DENND2B: variants seen among roughly 807,000 people sequenced by gnomAD.
DENND2B encodes DENN domain containing 2B.
A neutral mutation model predicts 116.0 loss-of-function variants in DENND2B; 32 were observed. That is an observed-to-expected ratio of 0.28 (90% CI 0.21 to 0.37). DENND2B has a LOEUF of 0.37. DENND2B is among the 10% of genes least tolerant of loss of function. DENND2B has a pLI of 1.00. For synonymous variants in DENND2B, 588 were observed against 583.9 expected (o/e 1.01, Z -0.10); for missense variants, 1,276 against 1,477.7 (o/e 0.86, Z 2.24).
chr11:8,811,391 C>T, upstream of DENND2B: 1 of 398,356 alleles, frequency 2.5e-6, no homozygotes, highest in Non-Finnish European at 4.4e-6. Flanking sequence ...CTGGGCAAGT[C>T]GAGAGTCACA....
intron 1 of DENND2B, among the ~76,000 whole-genome samples, chr11:8,779,428 C>A (rs2058105156): frequency 6.6e-6 from 1 of 152,082 alleles, no homozygotes. Flanking sequence ...CTCTGGGTTA[C>A]CATGCTCTCC....
In DENND2B at chr11:8,712,580, G is replaced by A. The variant is rs1201927640; in HGVS notation, c.2143C>T (p.Leu715Phe). 8 of 1,554,930 alleles carry A rather than the reference G, an allele frequency of 5.1e-6. No individual in the cohort carries two copies. Among genetic ancestry groups the A allele is most frequent in the Middle Eastern group, 1.7e-4 (1 of 6,016 alleles). The change falls in exon 9 of 20, where the codon CTC (leucine) becomes TTC (phenylalanine). Residue 715 changes from leucine (L) to phenylalanine (F), a missense_variant. Physicochemically the swap from Leu to Phe is conservative, Grantham distance 22. This residue lies in a region of DENND2B where 420 missense variants were observed against 631.1 expected (regional missense o/e 0.67). Transcript: ENST00000313726. This position sits in a 1 kb window ranked among gnomAD's most constrained non-coding sequence, Gnocchi z 4.4. Reference sequence around the variant, plus strand: ...GGAAACTGGTAGGAGACTTCGGGGAGGTAGGTGTTTCGCGATGGCTTCTTC... The same window carrying A: ...GGAAACTGGTAGGAGACTTCGGGGAAGTAGGTGTTTCGCGATGGCTTCTTC... ...LKKKPSRNTYLPEVSYQFPKL... is the reference protein window; with the variant it reads ...LKKKPSRNTYFPEVSYQFPKL...
chr11:8,744,219 C>T (rs549982221), intron 2 of DENND2B, among the ~76,000 whole-genome samples: 12 of 151,638 alleles, frequency 7.9e-5, no homozygotes, highest in African/African-American at 1.7e-4. Flanking sequence ...CCACAACCTC[C>T]GCCTCCTGGG....
chr11:8,871,595 C>T (rs1420496275), upstream of DENND2B, among the ~76,000 whole-genome samples: 1 of 152,122 alleles, frequency 6.6e-6, no homozygotes, highest in Admixed American at 6.6e-5. Context: ...TCGGGGGAGC[C>T]CTACAAAACC....
rs200023000 is a variant in DENND2B, at chr11:8,730,355, C to G, written c.935G>C (p.Arg312Pro). The G allele has an allele frequency of 3.7e-6, 6 of 1,600,852 alleles. No individual in the cohort carries two copies. The highest frequency in any genetic ancestry group is 1.3e-5 in the African/African-American group (1 of 74,788). The change falls in exon 3 of 20, where the codon CGG (arginine) becomes CCG (proline). Residue 312 changes from arginine to proline, a missense_variant. By Grantham distance (103) the Arg-to-Pro change is moderately radical (BLOSUM62 -2). Transcript: ENST00000313726. The surrounding 1 kb of genome is among the most constrained non-coding windows in gnomAD (Gnocchi z 4.1). ...QLPSSCYSVDRGKRKTGTLGS... is the reference protein window; with the variant it reads ...QLPSSCYSVDPGKRKTGTLGS... ...CAAGGTTCCAGTCTTCCTTTTCCCC[C>G]GGTCCACGCTGTAGCAGCTGCTGGG...
intron 1 of DENND2B, among the ~76,000 whole-genome samples, chr11:8,898,646 G>C (rs2064130150): frequency 6.6e-6 from 1 of 152,102 alleles, no homozygotes; most frequent in Non-Finnish European, 1.5e-5. Context: ...TTTAAATAAA[G>C]GTTTATTGGA....
At chr11:8,842,813 G>T (rs78612906) in intron 3 of DENND2B, among the ~76,000 whole-genome samples, 2 of 152,098 alleles carry the variant, frequency 1.3e-5, no homozygotes, top group Admixed American at 1.3e-4. Context: ...AGTGTCACAC[G>T]TGCTACCTTT....
intron 4 of DENND2B, among the ~76,000 whole-genome samples, chr11:8,722,540 A>G (rs2046365967): frequency 6.6e-6 from 1 of 152,160 alleles, no homozygotes; most frequent in Admixed American, 6.5e-5. Context: ...GAGTTCAGCA[A>G]TAAGACACCC....
At chr11:8,732,793 C>T (rs906436972) in intron 2 of DENND2B, among the ~76,000 whole-genome samples, 3 of 152,256 alleles carry the variant, frequency 2.0e-5, no homozygotes, top group East Asian at 1.9e-4. Flanking sequence ...GCCAACACTG[C>T]ACAGCACAAG....
rs143895375 is a variant in DENND2B, at chr11:8,839,371, T to C, written c.-155-21A>G. On this transcript the variant is annotated intron_variant, in intron 3 of 6. Transcript: ENST00000524757. ...GAAATCTGTGAAAAGAGTGGAAAGG[T>C]TGTTACCACCAAGTAAAATTCACTT... 9 of 152,344 alleles carry C rather than the reference T, an allele frequency of 5.9e-5. No individual in the cohort carries two copies. In the East Asian group the frequency reaches 1.5e-3, roughly 26 times the overall value. 9.4% of individuals were successfully genotyped at this position (152,344 alleles called of 1,614,324 possible).
rs767105254 is a variant in DENND2B at position 8,702,554 on chromosome 11, T to C, written c.2720+18A>G. ...CCTTCCCCCCTCCCTTCTGCTTTCT[T>C]GCCCGGCTGGGCCCTACCTGAGCTT... is the stretch of plus-strand genomic sequence containing the variant. On this transcript the variant is annotated intron_variant, in intron 14 of 19. Coordinates refer to ENST00000313726, the MANE Select transcript of DENND2B (RefSeq NM_213618.2). This position sits in a 1 kb window ranked among gnomAD's most constrained non-coding sequence, Gnocchi z 4.6. The C allele has an allele frequency of 5.6e-6, 9 of 1,609,546 alleles. No homozygotes were observed. Among genetic ancestry groups the C allele is most frequent in the Non-Finnish European group, 6.8e-6 (8 of 1,179,950 alleles).
rs1248698204 is a variant in DENND2B at position 8,904,420 on chromosome 11, T to A, written c.-256+6401A>T. On this transcript the variant is annotated intron_variant, in intron 1 of 22. Transcript: ENST00000534127. ...ATTAAAAATAATTTTTAAAGATAGA[T>A]GAGAACTTCCTTAACCTAATAAAGA... Among the ~76,000 whole-genome samples the A allele has an allele frequency of 2.0e-5, 3 of 152,160 alleles. No individual in the cohort carries two copies. In the East Asian group the frequency reaches 5.8e-4, roughly 29 times the overall value.
At chr11:8,722,585 C>T (rs1248844471) in intron 4 of DENND2B, among the ~76,000 whole-genome samples, 4 of 152,198 alleles carry the variant, frequency 2.6e-5, no homozygotes, top group African/African-American at 9.7e-5. Context: ...AACTCTCGGG[C>T]CTGTCCCCAG....
At chr11:8,882,598 T>C (rs1035483601) in intron 1 of DENND2B, among the ~76,000 whole-genome samples, 1 of 152,226 alleles carries the variant, frequency 6.6e-6, no homozygotes, top group African/African-American at 2.4e-5. Flanking sequence ...TATGTAATAA[T>C]TAATTAATCA....
intron 2 of DENND2B, among the ~76,000 whole-genome samples, chr11:8,736,806 T>G (rs1276900582): frequency 1.3e-5 from 2 of 151,922 alleles, no homozygotes; most frequent in African/African-American, 4.8e-5. Flanking sequence ...AGAAGCCACA[T>G]TATGGAAGGC....
rs574503811 is a variant in DENND2B at position 8,786,871 on chromosome 11, C to A, written c.-26+23646G>T. Reference sequence around the variant, plus strand: ...AAAACAAGATTAGAACAGCTGCATGCTCTCCTTTTCTTCGGTGCTGATGTT... The same window carrying A: ...AAAACAAGATTAGAACAGCTGCATGATCTCCTTTTCTTCGGTGCTGATGTT... On this transcript the variant is annotated intron_variant, in intron 1 of 19. Transcript: ENST00000313726. Among the ~76,000 whole-genome samples the A allele has an allele frequency of 2.6e-5, 4 of 152,276 alleles. No individual in the cohort carries two copies. In the South Asian group the frequency reaches 8.3e-4, roughly 32 times the overall value.
intron 1 of DENND2B, among the ~76,000 whole-genome samples, chr11:8,900,083 G>C (rs1365092490): frequency 6.6e-6 from 1 of 152,086 alleles, no homozygotes; most frequent in African/African-American, 2.4e-5. Context: ...TTGAGCCCAG[G>C]AGTTAGAGGC....
At chr11:8,832,451 CAAAAAAAAAA>C (rs10715263) in intron 4 of DENND2B, 12,883 of 100,836 alleles carry the variant, frequency 0.13, 746 homozygotes, top group East Asian at 0.22. Context: ...ACTCTGTCTC[CAAAAAAAAAA>C]AAAAAAAAAA....
chr11:8,905,487 G>T (rs776401074), intron 1 of DENND2B, among the ~76,000 whole-genome samples: 2 of 152,066 alleles, frequency 1.3e-5, no homozygotes, highest in Non-Finnish European at 1.5e-5. Context: ...ATGACCTTAG[G>T]TTAGGCAAAG....
Sources: gnomAD v4.1 joint callset for allele counts (sites outside exome capture counted in the v4.1 genomes callset) on GRCh38, gnomAD v4.1.1 for gene constraint, gnomAD v4.1.1 regional missense constraint, Gnocchi (gnomAD v3.1) non-coding constraint, MANE v1.5 for transcripts, NCBI Gene and HGNC (gene_info 2026-07-23, HGNC 2026-07-21) for gene names.